The following TSPAN17 variants were observed in gnomAD, a reference collection of about 807,000 sequenced individuals.
TSPAN17 encodes the protein tetraspanin 17.
In TSPAN17, 33 loss-of-function variants were observed where a neutral mutation model predicts 40.5. That is an observed-to-expected ratio of 0.81 (90% CI 0.62 to 1.09). The LOEUF (loss-of-function observed/expected upper bound fraction) is 1.09, where lower values mean the gene tolerates loss of function less well. Among genes scored for constraint, TSPAN17 ranks in the 50% least tolerant of loss-of-function variants. The pLI is 0.00. For synonymous variants in TSPAN17, 166 were observed against 169.4 expected (o/e 0.98, Z 0.15); for missense variants, 365 against 416.8 (o/e 0.88, Z 1.08).
intron 4 of TSPAN17, 169 bp downstream of exon 4, chr5:176,653,082 C>T (rs1340629787): frequency 1.5e-6 from 1 of 661,800 alleles, no homozygotes; most frequent in Admixed American, 2.9e-5. Context: ...CCCTGCTGAT[C>T]CTTATGGGTC....
At position 176,654,892 on chromosome 5, in the gene TSPAN17, C is replaced by G. The variant is rs1177002039; in HGVS notation, c.457-3C>G. On this transcript the variant is annotated splice_polypyrimidine_tract_variant and splice_region_variant and intron_variant, in intron 4 of 8. Coordinates refer to ENST00000508164, the MANE Select transcript of TSPAN17 (RefSeq NM_130465.5). The surrounding 1 kb of genome is among the most constrained non-coding windows in gnomAD (Gnocchi z 4.3). ...CACCTGGGGCTCTCCCCTGCCCCCA[C>G]AGTGGTCTTGCTGCGGAGCCCGAGG... 1 of 1,613,770 alleles carries G rather than the reference C, an allele frequency of 6.2e-7. No homozygotes were observed. Among genetic ancestry groups the G allele is most frequent in the Admixed American group, 1.7e-5 (1 of 59,984 alleles).
Position 176,657,766 on chromosome 5 carries a change from G to A in TSPAN17, c.*68G>A, listed in dbSNP as rs1019112688. ...GACCACCTGGCTACGCCGGCTCTTC[G>A]GTGGCAACACTACCTGGGACACTGC... On this transcript the variant is annotated 3_prime_UTR_variant, in exon 9 of 9. Coordinates refer to ENST00000508164, the MANE Select transcript of TSPAN17 (RefSeq NM_130465.5). 1.3e-4 allele frequency: 194 copies of A among 1,520,338 alleles called. No homozygotes were observed. The highest frequency in any genetic ancestry group is 3.1e-4 in the Admixed American group (14 of 44,890). 94.2% of individuals were successfully genotyped at this position (1,520,338 alleles called of 1,614,324 possible).
rs1474794739 is a variant in TSPAN17, at chr5:176,650,774, G to T, written c.88-842G>T. On this transcript the variant is annotated intron_variant, in intron 1 of 8. Coordinates refer to ENST00000508164, the MANE Select transcript of TSPAN17 (RefSeq NM_130465.5). This position sits in a 1 kb window ranked among gnomAD's most constrained non-coding sequence, Gnocchi z 4.0. ...GTGGGTGGGGAGGTCGCAGGAGGTGGGGTCATGGCCCTGGGCTTGGGTACG... is the reference window on the plus strand; with the variant it reads ...GTGGGTGGGGAGGTCGCAGGAGGTGTGGTCATGGCCCTGGGCTTGGGTACG... 6.6e-6 allele frequency among the ~76,000 whole-genome samples: 1 copy of T among 152,220 alleles called. No homozygotes were observed. The highest frequency in any genetic ancestry group is 1.5e-5 in the Non-Finnish European group (1 of 68,036).
chr5:176,654,673 T>C lies in TSPAN17; in HGVS notation c.457-222T>C. ...CTCCCTTTTTCTAGCCTCTCTTGGG[T>C]CGGGGAAGGGGGAGCTCAGTGTCCC... On this transcript the variant is annotated intron_variant, in intron 4 of 8. Coordinates refer to ENST00000508164, the MANE Select transcript of TSPAN17 (RefSeq NM_130465.5). This position sits in a 1 kb window ranked among gnomAD's most constrained non-coding sequence, Gnocchi z 4.3. The C allele has an allele frequency of 1.8e-6, 1 of 549,916 alleles. No individual in the cohort carries two copies. The highest frequency in any genetic ancestry group is 2.4e-5 in the South Asian group (1 of 41,912). The allele number at this position is 549,916 out of a possible 1,614,324, so 34.1% of individuals were successfully genotyped here. A position where few individuals can be genotyped will look rare whatever the true frequency, so the allele number is the denominator to read the frequency against.
In TSPAN17 at chr5:176,647,541, T is replaced by C; in HGVS notation, c.-75T>C. On this transcript the variant is annotated 5_prime_UTR_variant, in exon 1 of 9. Coordinates refer to ENST00000508164, the MANE Select transcript of TSPAN17 (RefSeq NM_130465.5). The stretch of plus-strand genomic sequence containing the variant: ...CGCCCGGCTAGGCCCCGGGCGGCTC[T>C]AGCCCAGGGCGGCCCGCGGGGCGCT... 1 of 1,337,848 alleles carries C rather than the reference T, an allele frequency of 7.5e-7. No homozygotes were observed. The allele number at this position is 1,337,848 out of a possible 1,614,324, so 82.9% of individuals were successfully genotyped here.
intron 3 of TSPAN17, 65 bp from the exon 4 acceptor site, chr5:176,652,678 C>T (rs1761013940): frequency 6.5e-7 from 1 of 1,543,838 alleles, no homozygotes; most frequent in South Asian, 1.2e-5. Context: ...GTGGCACACC[C>T]AAGCCCTGGG....
chr5:176,657,977 A>AG lies in TSPAN17; in HGVS notation c.*282dup, dbSNP rs1414312520. 2 of 352,570 alleles carry AG rather than the reference A, an allele frequency of 5.7e-6. No homozygotes were observed. The highest frequency in any genetic ancestry group is 9.6e-6 in the Non-Finnish European group (2 of 208,366). The allele number at this position is 352,570 out of a possible 1,614,324, so 21.8% of individuals were successfully genotyped here. A position where few individuals can be genotyped will look rare whatever the true frequency, so the allele number is the denominator to read the frequency against. On this transcript the variant is annotated 3_prime_UTR_variant, in exon 9 of 9. Transcript: ENST00000508164. The stretch of plus-strand genomic sequence containing the variant: ...GGAGAGGCTGGACCCCGCTTTGAAG[A>AG]GGGTGCAGCCTGGGAAGGGCGGCCT...
intron 1 of TSPAN17, 116 bp downstream of exon 1, chr5:176,647,818 C>T: frequency 9.8e-7 from 1 of 1,016,192 alleles, no homozygotes. Context: ...GGGACCATCC[C>T]CCCACTTCTG....
Position 176,655,023 on chromosome 5 carries a change from G to A in TSPAN17, c.582+3G>A. 1 of 1,600,842 alleles carries A rather than the reference G, an allele frequency of 6.2e-7. No homozygotes were observed. Among genetic ancestry groups the A allele is most frequent in the South Asian group, 1.1e-5 (1 of 89,186 alleles). On this transcript the variant is annotated splice_donor_region_variant and intron_variant, in intron 5 of 8. Coordinates refer to ENST00000508164, the MANE Select transcript of TSPAN17 (RefSeq NM_130465.5). ...CCTGCTGCGTCAGGGACCCTGCGGT[G>A]AGTGGGGCTGGGGGAGGAGAGGTAA...
At chr5:176,649,162 G>A (rs1196999979) in intron 1 of TSPAN17, among the ~76,000 whole-genome samples, 3 of 152,102 alleles carry the variant, frequency 2.0e-5, no homozygotes, top group Admixed American at 2.0e-4. Flanking sequence ...TGGATGAGGG[G>A]CAGGGCCTGG....
chr5:176,652,839 T>G lies in TSPAN17; in HGVS notation c.382T>G (p.Phe128Val), dbSNP rs762714151. 2 of 1,614,172 alleles carry G rather than the reference T, an allele frequency of 1.2e-6. No individual in the cohort carries two copies. Among genetic ancestry groups the G allele is most frequent in the South Asian group, 2.2e-5 (2 of 91,080 alleles). Residue 128 changes from phenylalanine (F) to valine (V), a missense_variant, in exon 4 of 9, where the codon TTC (phenylalanine) becomes GTC (valine). Coordinates refer to ENST00000508164, the MANE Select transcript of TSPAN17 (RefSeq NM_130465.5). ...CTGGATTCGAGACCAGCTCAACCTC[T>G]TCATCAACAACAACGTCAAGGCCTA... ...KDWIRDQLNL[F>V]INNNVKAYRD...
rs115486549 is a variant in TSPAN17, at chr5:176,658,280, C to A, written c.*582C>A. On this transcript the variant is annotated 3_prime_UTR_variant, in exon 9 of 9. Transcript: ENST00000508164. ...AGTAGAGCCTGTGCCTGCCTACTAGCGCTCTGGGGTTCGGAGAGTTTGGGA... is the reference window on the plus strand; with the variant it reads ...AGTAGAGCCTGTGCCTGCCTACTAGAGCTCTGGGGTTCGGAGAGTTTGGGA... 1 of 152,436 alleles carries A rather than the reference C, an allele frequency of 6.6e-6. No homozygotes were observed. The highest frequency in any genetic ancestry group is 1.9e-4 in the East Asian group (1 of 5,178). 9.4% of individuals were successfully genotyped at this position (152,436 alleles called of 1,614,324 possible).
In TSPAN17 at chr5:176,654,982, T is replaced by C; in HGVS notation, c.544T>C (p.Cys182Arg). ...CTDLNPSRERCGVPFSCCVRD... is the reference protein window; with the variant it reads ...CTDLNPSRERRGVPFSCCVRD... ...TGACTTGAACCCCAGCCGGGAGCGC[T>C]GCGGGGTGCCCTTCTCCTGCTGCGT... Residue 182 changes from cysteine (C) to arginine (R), a missense_variant, in exon 5 of 9, where the codon TGC becomes CGC. Coordinates refer to ENST00000508164, the MANE Select transcript of TSPAN17 (RefSeq NM_130465.5). The surrounding 1 kb of genome is among the most constrained non-coding windows in gnomAD (Gnocchi z 4.3). 1 of 1,611,296 alleles carries C rather than the reference T, an allele frequency of 6.2e-7. No individual in the cohort carries two copies.
intron 5 of TSPAN17, among the ~76,000 whole-genome samples, chr5:176,655,328 G>A (rs1242161733): frequency 6.6e-6 from 1 of 152,136 alleles, no homozygotes; most frequent in Non-Finnish European, 1.5e-5. Flanking sequence ...GTCTGCTCCT[G>A]GCCAGCTTGA....
Position 176,649,811 on chromosome 5 carries a change from T to C in TSPAN17, c.88-1805T>C, listed in dbSNP as rs185230450. Among the ~76,000 whole-genome samples the C allele has an allele frequency of 5.0e-3, 765 of 152,278 alleles. 4 individuals carry two copies. Among genetic ancestry groups the C allele is most frequent in the Admixed American group, 8.6e-3 (132 of 15,304 alleles). ...GCCGGGCTGTCCGCCCTTCAGTTTG[T>C]TCCTTGAACTAGACGTGGTCTTGTG... On this transcript the variant is annotated intron_variant, in intron 1 of 8. Transcript: ENST00000508164.
At position 176,647,517 on chromosome 5, in the gene TSPAN17, GCCCGGCTAGGCC is replaced by G; in HGVS notation, c.-96_-85del. 1 of 908,440 alleles carries G rather than the reference GCCCGGCTAGGCC, an allele frequency of 1.1e-6. No homozygotes were observed. The highest frequency in any genetic ancestry group is 1.5e-6 in the Non-Finnish European group (1 of 669,690). 56.3% of individuals were successfully genotyped at this position (908,440 alleles called of 1,614,324 possible). A position where few individuals can be genotyped will look rare whatever the true frequency, so the allele number is the denominator to read the frequency against. On this transcript the variant is annotated 5_prime_UTR_variant, in exon 1 of 9. An upstream open reading frame in the 5' UTR loses its in-frame stop. Transcript: ENST00000508164. ...TGGCCGAGGCCATGAAGCCGCAGCC[GCCCGGCTAGGCC>G]CCGGGCGGCTCTAGCCCAGGGCGGC...
chr5:176,657,370 C>A, intron 8 of TSPAN17, 148 bp from the exon 9 acceptor site: 1 of 1,359,766 alleles, frequency 7.4e-7, no homozygotes, highest in South Asian at 1.5e-5. Context: ...CTGTATGGGG[C>A]GCGTTGCCTG....
At position 176,651,585 on chromosome 5, in the gene TSPAN17, A is replaced by C; in HGVS notation, c.88-31A>C. On this transcript the variant is annotated intron_variant, in intron 1 of 8. Transcript: ENST00000508164. This position sits in a 1 kb window ranked among gnomAD's most constrained non-coding sequence, Gnocchi z 4.5. ...GGGGGAGGGTCCTGGGGCTGCTCCC[A>C]GCCCTGAGCTCTTTGTTGCTGCCCT... 1.2e-6 allele frequency: 2 copies of C among 1,601,322 alleles called. No individual in the cohort carries two copies.
At chr5:176,656,046 A>C in intron 5 of TSPAN17, 32 bp from the exon 6 acceptor site, 1 of 1,612,452 alleles carries the variant, frequency 6.2e-7, no homozygotes. Context: ...ATGCGTCCTC[A>C]CCAAGTCACT....
Sources: gnomAD v4.1 joint callset for allele counts (sites outside exome capture counted in the v4.1 genomes callset) on GRCh38, gnomAD v4.1.1 for gene constraint, Gnocchi (gnomAD v3.1) non-coding constraint, MANE v1.5 for transcripts, NCBI Gene and HGNC (gene_info 2026-07-23, HGNC 2026-07-21) for gene names.